Variants in GDE1 observed in about 807,000 individuals in gnomAD.
GDE1 encodes RGS16-interacting membrane protein.
Under a neutral mutation model 32.2 loss-of-function variants are expected in GDE1, and 24 were observed. The ratio of observed to expected loss-of-function variants is 0.75; its 90% confidence interval spans 0.54 to 1.05. GDE1 has a LOEUF of 1.05. GDE1 is among the 50% of genes least tolerant of loss of function. The pLI is 0.00. For synonymous variants in GDE1, 159 were observed against 158.6 expected, an observed-to-expected ratio of 1.00 and a Z score of -0.02; for missense variants, 380 against 415.0, an observed-to-expected ratio of 0.92 and a Z score of 0.73.
rs990095650 is a variant in GDE1, at chr16:19,502,958, G to A, written c.*512C>T. The A allele has an allele frequency of 3.9e-5, 6 of 152,412 alleles. No individual in the cohort carries two copies. The South Asian group carries it at 6.2e-4, about 16-fold the overall frequency. 9.4% of individuals were successfully genotyped at this position (152,412 alleles called of 1,614,324 possible). Reference sequence around the variant, plus strand: ...TTGCATGGTGGCTTCCCCAAATTCCGTATGCCTTAGGATATGATGCTTGGC... The same window carrying A: ...TTGCATGGTGGCTTCCCCAAATTCCATATGCCTTAGGATATGATGCTTGGC... On this transcript the variant is annotated 3_prime_UTR_variant, in exon 6 of 6. Coordinates refer to ENST00000353258, the MANE Select transcript of GDE1 (RefSeq NM_016641.4).
intron 3 of GDE1, among the ~76,000 whole-genome samples, chr16:19,510,143 T>C (rs1163083768): frequency 6.6e-6 from 1 of 152,200 alleles, no homozygotes; most frequent in East Asian, 1.9e-4. Flanking sequence ...AGAACAAATG[T>C]AATCAGAATC....
chr16:19,517,286 T>C (rs1969393736), intron 1 of GDE1, 97 bp from the exon 2 acceptor site: 1 of 886,628 alleles, frequency 1.1e-6, no homozygotes, highest in Non-Finnish European at 1.8e-6. Context: ...AAGACAGCTG[T>C]CCTTTTTGAT....
In GDE1 at chr16:19,505,105, T is replaced by G; in HGVS notation, c.637-13A>C. 1.3e-6 allele frequency: 2 copies of G among 1,548,746 alleles called. No individual in the cohort carries two copies. Among genetic ancestry groups the G allele is most frequent in the South Asian group, 1.1e-5 (1 of 89,668 alleles). ...CTGTTTGTCTCATCTGCAAAGGAATTTGGGGAAGTAAAATAATGATCATAT... is the reference window on the plus strand; with the variant it reads ...CTGTTTGTCTCATCTGCAAAGGAATGTGGGGAAGTAAAATAATGATCATAT... On this transcript the variant is annotated splice_polypyrimidine_tract_variant and intron_variant, in intron 4 of 5. Transcript: ENST00000353258.
chr16:19,506,645 C>T (rs979227645), intron 4 of GDE1, among the ~76,000 whole-genome samples: 4 of 138,554 alleles, frequency 2.9e-5, no homozygotes, highest in Non-Finnish European at 4.8e-5. Context: ...GTCTCAAAAA[C>T]AAACAAAAAA....
At chr16:19,518,782 T>C (rs1969412865) in intron 1 of GDE1, among the ~76,000 whole-genome samples, 1 of 152,356 alleles carries the variant, frequency 6.6e-6, no homozygotes, top group African/African-American at 2.4e-5. Flanking sequence ...AAAGGTAATA[T>C]AGTCAAATTT....
chr16:19,510,419 G>A (rs1969302853), intron 3 of GDE1, among the ~76,000 whole-genome samples: 1 of 152,138 alleles, frequency 6.6e-6, no homozygotes, highest in Non-Finnish European at 1.5e-5. Context: ...TTTAAATGCA[G>A]TCCATAGTTG....
intron 4 of GDE1, among the ~76,000 whole-genome samples, chr16:19,506,198 A>G (rs1397118531): frequency 6.9e-6 from 1 of 145,344 alleles, no homozygotes; most frequent in Non-Finnish European, 1.6e-5. Context: ...AAGAGAAAAA[A>G]ATATTAAGCC....
At position 19,510,913 on chromosome 16, in the gene GDE1, G is replaced by T; in HGVS notation, c.469C>A (p.Leu157Ile). The T allele has an allele frequency of 6.3e-7, 1 of 1,597,244 alleles. No individual in the cohort carries two copies. Among genetic ancestry groups the T allele is most frequent in the African/African-American group, 1.3e-5 (1 of 74,588 alleles). The part of the protein sequence containing the change: ...NDFPDEKIPT[L>I]REAVAECLNH... ...AGGCACTCTGCAACAGCTTCCCTTA[G>T]GGTAGGGATCTTTTCATCAGGGAAA... is the stretch of plus-strand genomic sequence containing the variant. The change falls in exon 3 of 6, where the codon CTA (leucine) becomes ATA (isoleucine). Residue 157 changes from leucine to isoleucine, a missense_variant. Transcript: ENST00000353258.
rs962283149 is a variant in GDE1, at chr16:19,516,962, T to C, written c.437+52A>G. On this transcript the variant is annotated intron_variant, in intron 2 of 5. Transcript: ENST00000353258. The stretch of plus-strand genomic sequence containing the variant: ...TGTAATTAGAAGGCACCAGTGTCTG[T>C]CATTTCCAATAAAAGCTAAAAGATC... 1.1e-5 allele frequency: 17 copies of C among 1,506,572 alleles called. No individual in the cohort carries two copies. In the East Asian group the frequency reaches 3.6e-4, roughly 32 times the overall value. 93.3% of individuals were successfully genotyped at this position (1,506,572 alleles called of 1,614,324 possible).
In GDE1 at chr16:19,521,763, T is replaced by C; in HGVS notation, c.202A>G (p.Ile68Val). 3.1e-6 allele frequency: 5 copies of C among 1,611,978 alleles called. No individual in the cohort carries two copies. Among genetic ancestry groups the C allele is most frequent in the Non-Finnish European group, 4.2e-6 (5 of 1,179,590 alleles). Residue 68 changes from isoleucine to valine, a missense_variant, in exon 1 of 6, where the codon ATC (isoleucine) becomes GTC (valine). By Grantham distance (29) the Ile-to-Val change is conservative. Transcript: ENST00000353258. ...TCGTGGCTGCCGCCACGGTGGGCGA[T>C]GGCAGAAATGCGGTCCCGGGGCTTG... is the stretch of plus-strand genomic sequence containing the variant. The part of the protein sequence containing the change: ...VLKPRDRISA[I>V]AHRGGSHDAP...
chr16:19,519,724 C>T (rs978635580), intron 1 of GDE1, among the ~76,000 whole-genome samples: 6 of 152,134 alleles, frequency 3.9e-5, no homozygotes, highest in Admixed American at 3.3e-4. Flanking sequence ...GTGGCTCATG[C>T]CTGTGATCCC....
rs561724288 is a variant in GDE1, at chr16:19,509,933, G to A, written c.543+906C>T. 3.9e-5 allele frequency among the ~76,000 whole-genome samples: 6 copies of A among 152,074 alleles called. No homozygotes were observed. In the East Asian group the frequency reaches 1.2e-3, roughly 29 times the overall value. On this transcript the variant is annotated intron_variant, in intron 3 of 5. Transcript: ENST00000353258. Reference sequence around the variant, plus strand: ...CCCAAAGTGCTGGGATTACAGGTGTGAGCCACTGCACCCGGCCCATTTTGG... The same window carrying A: ...CCCAAAGTGCTGGGATTACAGGTGTAAGCCACTGCACCCGGCCCATTTTGG...
At chr16:19,506,644 A>C (rs1462122182) in intron 4 of GDE1, among the ~76,000 whole-genome samples, 1 of 138,684 alleles carries the variant, frequency 7.2e-6, no homozygotes, top group Non-Finnish European at 1.6e-5. Flanking sequence ...CGTCTCAAAA[A>C]CAAACAAAAA....
At chr16:19,506,517 TG>T (rs1969249215) in intron 4 of GDE1, among the ~76,000 whole-genome samples, 1 of 151,918 alleles carries the variant, frequency 6.6e-6, no homozygotes, top group African/African-American at 2.4e-5. Flanking sequence ...CCAGGCATGG[TG>T]GTGTGTGCTT....
chr16:19,516,864 C>T (rs1597237130), intron 2 of GDE1, 150 bp downstream of exon 2: 1 of 594,470 alleles, frequency 1.7e-6, no homozygotes, highest in Non-Finnish European at 2.9e-6. Context: ...TTCTGTTGTT[C>T]CTGGCACTTG....
At chr16:19,515,509 G>GA (rs1318326567) in intron 2 of GDE1, among the ~76,000 whole-genome samples, 1 of 152,110 alleles carries the variant, frequency 6.6e-6, no homozygotes, top group Non-Finnish European at 1.5e-5. Context: ...GGGTAATGAT[G>GA]ACCCTAAACA....
At chr16:19,517,233 C>CATTA in intron 1 of GDE1, 44 bp from the exon 2 acceptor site, 1 of 1,483,290 alleles carries the variant, frequency 6.7e-7, no homozygotes. Flanking sequence ...TGGCCACAAA[C>CATTA]ATTATTTTGC....
intron 5 of GDE1, chr16:19,504,402 T>C (rs1969218077): frequency 6.2e-6 from 1 of 161,364 alleles, no homozygotes; most frequent in Admixed American, 5.8e-5. Flanking sequence ...GACCTACAAC[T>C]CTAATTAGCT....
intron 5 of GDE1, chr16:19,504,652 TC>T (rs1969221401): frequency 2.1e-6 from 1 of 469,896 alleles, no homozygotes; most frequent in Admixed American, 4.0e-5. Flanking sequence ...TCATTTTTTT[TC>T]TTCAAAATAC....
Sources: allele counts gnomAD v4.1 joint callset (sites outside exome capture counted in the v4.1 genomes callset), GRCh38; gene constraint gnomAD v4.1.1; transcripts MANE v1.5; gene names NCBI Gene and HGNC (gene_info 2026-07-23, HGNC 2026-07-21).